Variants in C1orf87 observed in about 807,000 individuals in gnomAD.
The protein encoded by C1orf87 is uncharacterized protein C1orf87.
A neutral mutation model predicts 60.5 loss-of-function variants in C1orf87; 58 were observed. That is an observed-to-expected ratio of 0.96 (90% CI 0.78 to 1.19). The LOEUF is 1.19. Among genes scored for constraint, C1orf87 ranks in the 50% most tolerant of loss-of-function variants. The pLI is 0.00. For missense variants in C1orf87, 673 were observed against 638.6 expected, an observed-to-expected ratio of 1.05 and a Z score of -0.58; for synonymous variants, 236 against 227.4, an observed-to-expected ratio of 1.04 and a Z score of -0.34.
At chr1:60,007,685 C>T (rs973886278) in intron 9 of C1orf87, among the ~76,000 whole-genome samples, 1 of 151,838 alleles carries the variant, frequency 6.6e-6, no homozygotes, top group African/African-American at 2.4e-5. Flanking sequence ...TTATTCTTGC[C>T]AGGAGGTTTG....
At chr1:60,005,914 A>G (rs1645042094) in intron 9 of C1orf87, among the ~76,000 whole-genome samples, 1 of 150,332 alleles carries the variant, frequency 6.7e-6, no homozygotes, top group South Asian at 2.1e-4. Flanking sequence ...CCAGTGCACT[A>G]TGGTTTGGTT....
At position 60,003,238 on chromosome 1, in the gene C1orf87, G is replaced by A. The variant is rs1488458959; in HGVS notation, c.1193-2082C>T. The stretch of plus-strand genomic sequence containing the variant: ...TCACAAGAACAAAAAACCAAACACC[G>A]CATATTCTCACTCATAGGTGGGAAT... On this transcript the variant is annotated intron_variant, in intron 9 of 11. Transcript: ENST00000371201. 3.5e-5 allele frequency among the ~76,000 whole-genome samples: 5 copies of A among 142,132 alleles called. No homozygotes were observed. In the South Asian group the frequency reaches 9.2e-4, roughly 26 times the overall value. 93.2% of individuals were successfully genotyped at this position (142,132 alleles called of 152,430 possible).
intron 2 of C1orf87, among the ~76,000 whole-genome samples, chr1:60,062,086 A>G (rs983779459): frequency 6.6e-6 from 1 of 152,162 alleles, no homozygotes; most frequent in Non-Finnish European, 1.5e-5. Flanking sequence ...TGCTTTTCTC[A>G]AGATGGCCCG....
chr1:60,072,843 T>C (rs1574334978), intron 1 of C1orf87, among the ~76,000 whole-genome samples, 173 bp from the exon 2 acceptor site: 1 of 152,216 alleles, frequency 6.6e-6, no homozygotes, highest in Non-Finnish European at 1.5e-5. Context: ...ACTATTATCA[T>C]TTTTGTTTTA....
chr1:60,006,783 G>C (rs1645049100), intron 9 of C1orf87, among the ~76,000 whole-genome samples: 1 of 151,980 alleles, frequency 6.6e-6, no homozygotes, highest in Admixed American at 6.6e-5. Context: ...TGTGGCTTAA[G>C]GTCTTTTACT....
chr1:60,062,429 G>A (rs1645503389), intron 2 of C1orf87, among the ~76,000 whole-genome samples: 1 of 152,048 alleles, frequency 6.6e-6, no homozygotes, highest in Admixed American at 6.6e-5. Flanking sequence ...ATACTTTTAA[G>A]GCTTTCAATA....
chr1:60,069,429 A>G (rs934131149), intron 2 of C1orf87, among the ~76,000 whole-genome samples: 3 of 152,184 alleles, frequency 2.0e-5, no homozygotes, highest in Admixed American at 6.5e-5. Context: ...GAGTGTGTGA[A>G]GATTAGAGAC....
rs772415996 is a variant in C1orf87 at position 60,041,098 on chromosome 1, C to T, written c.376G>A (p.Val126Ile). The stretch of plus-strand genomic sequence containing the variant: ...GATAAGGACTGGTCTCCGGTTGGTA[C>T]AGAGCTGCAGTGGACATTTGCTTGA... ...PSQANVHCSS[V>I]PTGDQSLSYV... The change falls in exon 4 of 12, where the codon GTA becomes ATA. Residue 126 changes from valine to isoleucine, a missense_variant. Val to Ile is a conservative substitution (Grantham distance 29, BLOSUM62 3). Coordinates refer to ENST00000371201, the MANE Select transcript of C1orf87 (RefSeq NM_152377.3). The T allele has an allele frequency of 3.1e-6, 5 of 1,600,550 alleles. No individual in the cohort carries two copies. Among genetic ancestry groups the T allele is most frequent in the East Asian group, 2.2e-5 (1 of 44,510 alleles).
At chr1:60,037,305 G>A (rs895296633) in intron 6 of C1orf87, among the ~76,000 whole-genome samples, 1 of 152,210 alleles carries the variant, frequency 6.6e-6, no homozygotes, top group African/African-American at 2.4e-5. Flanking sequence ...GGTCACGAGG[G>A]TGGAGTCCTC....
At chr1:60,032,858 C>T (rs1022311389) in intron 7 of C1orf87, among the ~76,000 whole-genome samples, 8 of 152,274 alleles carry the variant, frequency 5.3e-5, no homozygotes, top group South Asian at 4.2e-4. Flanking sequence ...GCATTTAGCA[C>T]GGTGCTTGGC....
At chr1:60,021,665 T>C (rs1224006125) in intron 8 of C1orf87, among the ~76,000 whole-genome samples, 2 of 152,216 alleles carry the variant, frequency 1.3e-5, no homozygotes, top group Admixed American at 6.5e-5. Flanking sequence ...GATACATCAA[T>C]GAATAAAACA....
chr1:59,998,472 A>G (rs761626568), intron 10 of C1orf87, among the ~76,000 whole-genome samples: 3 of 137,676 alleles, frequency 2.2e-5, no homozygotes, highest in Non-Finnish European at 3.1e-5. Flanking sequence ...AGAATTAAAT[A>G]GACACATCAG....
intron 9 of C1orf87, among the ~76,000 whole-genome samples, 184 bp downstream of exon 9, chr1:60,010,208 G>A (rs1488646069): frequency 6.6e-6 from 1 of 151,864 alleles, no homozygotes; most frequent in Non-Finnish European, 1.5e-5. Flanking sequence ...TGATCCAACT[G>A]GCCTAAAAGA....
At chr1:59,993,756 CTTT>C (rs768907279) in intron 11 of C1orf87, among the ~76,000 whole-genome samples, 2 of 129,208 alleles carry the variant, frequency 1.5e-5, no homozygotes, top group Non-Finnish European at 3.3e-5. Context: ...AATAAGAATC[CTTT>C]TTTTTTTTTT....
chr1:60,061,305 A>G (rs1476592023), intron 2 of C1orf87, among the ~76,000 whole-genome samples: 2 of 152,112 alleles, frequency 1.3e-5, no homozygotes, highest in Admixed American at 6.5e-5. Flanking sequence ...AAGCTTCCAT[A>G]TACACACATG....
intron 9 of C1orf87, among the ~76,000 whole-genome samples, chr1:60,007,366 T>C (rs911118467): frequency 2.0e-5 from 3 of 152,130 alleles, no homozygotes; most frequent in Admixed American, 2.0e-4. Context: ...TTAATTTTTA[T>C]AAATTTAAGT....
Position 60,041,624 on chromosome 1 carries a change from C to A in C1orf87, c.343-493G>T, listed in dbSNP as rs1002585655. Among the ~76,000 whole-genome samples, 5 of 152,170 alleles carry A rather than the reference C, an allele frequency of 3.3e-5. No individual in the cohort carries two copies. The East Asian group carries it at 7.7e-4, about 24-fold the overall frequency. On this transcript the variant is annotated intron_variant, in intron 3 of 11. Transcript: ENST00000371201. ...GATAGAATTAGGATCAATAATAAAA[C>A]CCTGTTCTCTCTTGCCATGGAGCAT... is the stretch of plus-strand genomic sequence containing the variant.
intron 2 of C1orf87, among the ~76,000 whole-genome samples, chr1:60,070,898 T>C (rs1289094134): frequency 6.6e-6 from 1 of 152,194 alleles, no homozygotes; most frequent in Non-Finnish European, 1.5e-5. Context: ...TTAAGCTCCC[T>C]ACCCTTGGAA....
intron 2 of C1orf87, 119 bp downstream of exon 2, chr1:60,072,418 C>T: frequency 1.4e-6 from 1 of 701,258 alleles, no homozygotes; most frequent in South Asian, 1.9e-5. Flanking sequence ...ACTGTTGCAT[C>T]TTAATGACTT....
Sources: gnomAD v4.1 joint callset for allele counts (sites outside exome capture counted in the v4.1 genomes callset) on GRCh38, gnomAD v4.1.1 for gene constraint, MANE v1.5 for transcripts, NCBI Gene and HGNC (gene_info 2026-07-23, HGNC 2026-07-21) for gene names.